EHHADH: variants seen among roughly 807,000 people sequenced by gnomAD.
EHHADH encodes the protein enoyl-CoA hydratase and 3-hydroxyacyl CoA dehydrogenase.
EHHADH carries 48 observed loss-of-function variants against 64.4 expected under a neutral mutation model. The observed-to-expected ratio is 0.75, with a 90% CI of 0.59 to 0.95. The LOEUF (loss-of-function observed/expected upper bound fraction) is 0.95. Among genes scored for constraint, EHHADH ranks in the 40% least tolerant of loss-of-function variants. The pLI is 0.00. For synonymous variants in EHHADH, 308 were observed against 326.7 expected (o/e 0.94, Z 0.62); for missense variants, 854 against 876.6 (o/e 0.97, Z 0.33).
Position 185,218,165 on chromosome 3 carries a change from T to A in EHHADH, c.539A>T (p.Glu180Val). 1 of 1,607,570 alleles carries A rather than the reference T, an allele frequency of 6.2e-7. No homozygotes were observed. The highest frequency in any genetic ancestry group is 8.5e-7 in the Non-Finnish European group (1 of 1,177,590). Residue 180 changes from glutamate to valine, a missense_variant, in exon 5 of 7, where the codon GAA becomes GTA. Glu to Val is a moderately radical substitution (Grantham distance 121). Coordinates refer to ENST00000231887, the MANE Select transcript of EHHADH (RefSeq NM_001966.4). ...DKVVNSDPVE[E>V]AIRFAQRVSD... ...AACTCTCTGAGCAAATCTGATTGCT[T>A]CTTCAACCGGGTCTGAGTTTACAAC...
At chr3:185,219,643 C>T (rs897735627) in intron 4 of EHHADH, among the ~76,000 whole-genome samples, 2 of 152,046 alleles carry the variant, frequency 1.3e-5, no homozygotes, top group African/African-American at 2.4e-5. Flanking sequence ...ATCCCCTACC[C>T]CAGGGTCAGA....
chr3:185,224,232 G>A (rs982169407), intron 4 of EHHADH, among the ~76,000 whole-genome samples: 3 of 151,784 alleles, frequency 2.0e-5, no homozygotes, highest in Non-Finnish European at 4.4e-5. Context: ...GGGCGCAGTG[G>A]CTCACACCTG....
rs7637190 is a variant in EHHADH, at chr3:185,201,443, G to C, written c.910+2973C>G. ...CCCATAAAGCGCAATGGTCTGAGAAGTGACCCAGCTGTCCATGGAGTGTGG... is the reference window on the plus strand; with the variant it reads ...CCCATAAAGCGCAATGGTCTGAGAACTGACCCAGCTGTCCATGGAGTGTGG... On this transcript the variant is annotated intron_variant, in intron 6 of 6. Transcript: ENST00000231887. 1.5e-3 allele frequency among the ~76,000 whole-genome samples: 232 copies of C among 152,326 alleles called. 2 individuals carry two copies. The highest frequency in any genetic ancestry group is 4.7e-3 in the African/African-American group (196 of 41,568).
chr3:185,226,521 T>G (rs1718979267), intron 4 of EHHADH, among the ~76,000 whole-genome samples: 2 of 151,956 alleles, frequency 1.3e-5, no homozygotes, highest in Non-Finnish European at 2.9e-5. Context: ...TGGTGGCGCA[T>G]TTCTGTAATC....
intron 4 of EHHADH, among the ~76,000 whole-genome samples, chr3:185,225,041 A>G (rs1263489083): frequency 6.6e-6 from 1 of 152,232 alleles, no homozygotes; most frequent in Non-Finnish European, 1.5e-5. Flanking sequence ...TCTGTTTAAC[A>G]GGCACTATAT....
intron 3 of EHHADH, 144 bp from the exon 4 acceptor site, chr3:185,229,687 A>T: frequency 6.7e-6 from 3 of 447,368 alleles, no homozygotes; most frequent in Middle Eastern, 5.1e-4. Flanking sequence ...ATTAGTGCAC[A>T]TCCTTTTCTT....
intron 6 of EHHADH, among the ~76,000 whole-genome samples, chr3:185,200,106 C>T (rs1248583208): frequency 2.0e-5 from 3 of 152,186 alleles, no homozygotes; most frequent in African/African-American, 7.2e-5. Flanking sequence ...TAAATAAACA[C>T]TTATTGTGTT....
At chr3:185,240,151 G>A (rs1719407815) in intron 2 of EHHADH, among the ~76,000 whole-genome samples, 1 of 151,740 alleles carries the variant, frequency 6.6e-6, no homozygotes, top group Non-Finnish European at 1.5e-5. Context: ...AAGTGCTATT[G>A]GATTTAGTTT....
chr3:185,253,433 G>A (rs145127553), intron 1 of EHHADH, among the ~76,000 whole-genome samples: 1 of 86,758 alleles, frequency 1.2e-5, no homozygotes, highest in Non-Finnish European at 2.1e-5. Context: ...GTGGGGGGAG[G>A]GGGGAGGGAT....
At chr3:185,238,407 C>T (rs940971968) in intron 2 of EHHADH, among the ~76,000 whole-genome samples, 5 of 152,226 alleles carry the variant, frequency 3.3e-5, no homozygotes, top group Admixed American at 3.3e-4. Context: ...TTCTCTGCAT[C>T]CTTGCCAACA....
chr3:185,238,539 C>CAAGT (rs1043000156), intron 2 of EHHADH, among the ~76,000 whole-genome samples: 1 of 151,972 alleles, frequency 6.6e-6, no homozygotes, highest in African/African-American at 2.4e-5. Flanking sequence ...GTTTATTGGC[C>CAAGT]ACTTGTATGT....
chr3:185,246,245 AG>A (rs1577377846), intron 2 of EHHADH: 1 of 893,880 alleles, frequency 1.1e-6, no homozygotes, highest in Admixed American at 2.2e-5. Flanking sequence ...CTAGATCATC[AG>A]AAGCATCGTT....
intron 4 of EHHADH, among the ~76,000 whole-genome samples, chr3:185,225,437 C>A (rs1276568615): frequency 6.6e-6 from 1 of 152,110 alleles, no homozygotes; most frequent in Non-Finnish European, 1.5e-5. Flanking sequence ...CTGACCATAT[C>A]TTATGATTTA....
intron 4 of EHHADH, among the ~76,000 whole-genome samples, chr3:185,227,615 G>A (rs1415801789): frequency 6.6e-6 from 1 of 151,196 alleles, no homozygotes; most frequent in Non-Finnish European, 1.5e-5. Context: ...CACCTGAGGT[G>A]AGGAGTTCGA....
intron 1 of EHHADH, 161 bp downstream of exon 1, chr3:185,253,784 AAAAG>A (rs953810036): frequency 5.6e-5 from 77 of 1,362,996 alleles, no homozygotes; most frequent in African/African-American, 2.8e-4. Context: ...AAAGAAAAGA[AAAAG>A]AAAGAAAGAA....
At chr3:185,207,153 G>A (rs1718418642) in intron 5 of EHHADH, among the ~76,000 whole-genome samples, 1 of 152,010 alleles carries the variant, frequency 6.6e-6, no homozygotes. Context: ...AGCCGGGCAT[G>A]GTGGCGCACC....
chr3:185,222,278 G>A (rs1288897392), intron 4 of EHHADH, among the ~76,000 whole-genome samples: 1 of 152,130 alleles, frequency 6.6e-6, no homozygotes, highest in Non-Finnish European at 1.5e-5. Context: ...AGCTACTTGG[G>A]AGGCTGAAGC....
chr3:185,203,006 G>A (rs765760641), intron 6 of EHHADH, among the ~76,000 whole-genome samples: 7 of 150,310 alleles, frequency 4.7e-5, no homozygotes, highest in Non-Finnish European at 7.4e-5. Flanking sequence ...GGGGATGGGA[G>A]ATGAAGGGAA....
At position 185,251,608 on chromosome 3, in the gene EHHADH, A is replaced by ATG. The variant is rs3072431; in HGVS notation, c.74+2339_74+2340dup. Among the ~76,000 whole-genome samples the ATG allele has an allele frequency of 3.1e-3, 469 of 149,298 alleles. 1 individual carries two copies. The highest frequency in any genetic ancestry group is 8.0e-3 in the East Asian group (40 of 5,030). On this transcript the variant is annotated intron_variant, in intron 1 of 6. Coordinates refer to ENST00000231887, the MANE Select transcript of EHHADH (RefSeq NM_001966.4). Reference sequence around the variant, plus strand: ...TATTTGTTTTGGGGAAAAAATTTATATGTGTGTGTGTGTGTGTGTGTGTGT... The same window carrying ATG: ...TATTTGTTTTGGGGAAAAAATTTATATGTGTGTGTGTGTGTGTGTGTGTGTGT...
Sources: allele counts gnomAD v4.1 joint callset (sites outside exome capture counted in the v4.1 genomes callset), GRCh38; gene constraint gnomAD v4.1.1; transcripts MANE v1.5; gene names NCBI Gene and HGNC (gene_info 2026-07-23, HGNC 2026-07-21).